The following ARHGEF26 variants were observed in gnomAD, a reference collection of about 807,000 sequenced individuals.
ARHGEF26 encodes Rho guanine nucleotide exchange factor 26.
In ARHGEF26, 59 loss-of-function variants were observed where a neutral mutation model predicts 89.4. The observed-to-expected ratio is 0.66, with a 90% confidence interval of 0.54 to 0.82. The LOEUF is 0.82. Among genes scored for constraint, ARHGEF26 ranks in the 40% least tolerant of loss-of-function variants. The probability of loss-of-function intolerance (pLI) is 0.00; values close to 1 mark genes in which losing one functional copy is unlikely to be tolerated. For missense variants in ARHGEF26, 1,234 were observed against 1,085.6 expected (o/e 1.14, Z -1.92); for synonymous variants, 500 against 428.4 (o/e 1.17, Z -2.06).
intron 6 of ARHGEF26, among the ~76,000 whole-genome samples, chr3:154,170,111 C>G (rs1712326107): frequency 6.6e-6 from 1 of 151,638 alleles, no homozygotes; most frequent in Admixed American, 6.6e-5. Flanking sequence ...CCTGTAATCT[C>G]AGCACTTTGC....
At chr3:154,171,872 G>C (rs932440101) in intron 6 of ARHGEF26, among the ~76,000 whole-genome samples, 4 of 152,236 alleles carry the variant, frequency 2.6e-5, no homozygotes, top group East Asian at 3.9e-4. Context: ...AGTTGGGGGT[G>C]GGGGAGGACT....
intron 13 of ARHGEF26, among the ~76,000 whole-genome samples, chr3:154,254,336 G>A (rs1389957319): frequency 1.3e-5 from 2 of 152,180 alleles, no homozygotes; most frequent in Non-Finnish European, 2.9e-5. Context: ...GAGACACTCT[G>A]ATGAGAGCCA....
chr3:154,176,871 T>C (rs1337928589), intron 6 of ARHGEF26, among the ~76,000 whole-genome samples: 1 of 152,168 alleles, frequency 6.6e-6, no homozygotes, highest in African/African-American at 2.4e-5. Context: ...CTCGAACTCC[T>C]GGGCTTAAAC....
intron 11 of ARHGEF26, among the ~76,000 whole-genome samples, chr3:154,239,525 C>G (rs1717366346): frequency 6.6e-6 from 1 of 151,934 alleles, no homozygotes. Flanking sequence ...GAATAAAAAG[C>G]AAGCAGGCAG....
intron 2 of ARHGEF26, 37 bp from the exon 3 acceptor site, chr3:154,124,373 T>C: frequency 5.8e-6 from 1 of 171,838 alleles, no homozygotes; most frequent in Non-Finnish European, 9.6e-6. Flanking sequence ...TTGCTTTTCC[T>C]TTTTTTTTTT....
chr3:154,226,021 A>G lies in ARHGEF26; in HGVS notation c.2090+11A>G. The G allele has an allele frequency of 6.2e-7, 1 of 1,605,590 alleles. No homozygotes were observed. Among genetic ancestry groups the G allele is most frequent in the Non-Finnish European group, 8.5e-7 (1 of 1,176,386 alleles). On this transcript the variant is annotated intron_variant, in intron 11 of 14. Coordinates refer to ENST00000465093, the MANE Select transcript of ARHGEF26 (RefSeq NM_015595.4). Reference sequence around the variant, plus strand: ...CACCAAGAAGAAGAGGTAAGTCTTTATCTGGTGTTGCTGACTAGACATTCC... The same window carrying G: ...CACCAAGAAGAAGAGGTAAGTCTTTGTCTGGTGTTGCTGACTAGACATTCC...
intron 9 of ARHGEF26, among the ~76,000 whole-genome samples, chr3:154,200,332 T>G (rs1714552841): frequency 6.6e-6 from 1 of 152,164 alleles, no homozygotes; most frequent in Non-Finnish European, 1.5e-5. Flanking sequence ...TTCCTCAGTG[T>G]ATGTTTTTGG....
chr3:154,237,331 C>T (rs1209372193), intron 11 of ARHGEF26, among the ~76,000 whole-genome samples: 2 of 152,084 alleles, frequency 1.3e-5, no homozygotes, highest in Non-Finnish European at 2.9e-5. Context: ...TACTTGAGGT[C>T]AAGAGTTCCA....
intron 5 of ARHGEF26, 135 bp from the exon 6 acceptor site, chr3:154,152,637 G>C: frequency 1.8e-6 from 1 of 555,924 alleles, no homozygotes; most frequent in South Asian, 6.9e-5. Flanking sequence ...TTTCTTTAAT[G>C]TTCTTTTTGT....
rs1718557553 is a variant in ARHGEF26, at chr3:154,256,918, G to A, written c.*1445G>A. ...AATAGTCGGTTTCATGGAGATGAAGGATGGGAGATTAAGAGGGGGGAAATG... is the reference window on the plus strand; with the variant it reads ...AATAGTCGGTTTCATGGAGATGAAGAATGGGAGATTAAGAGGGGGGAAATG... On this transcript the variant is annotated 3_prime_UTR_variant, in exon 15 of 15. Transcript: ENST00000465093. 3.3e-6 allele frequency: 5 copies of A among 1,535,092 alleles called. No individual in the cohort carries two copies. In the East Asian group the frequency reaches 1.2e-4, roughly 38 times the overall value.
At chr3:154,148,981 A>C (rs536816305) in intron 4 of ARHGEF26, among the ~76,000 whole-genome samples, 9 of 152,250 alleles carry the variant, frequency 5.9e-5, no homozygotes, top group African/African-American at 1.9e-4. Context: ...CATATAAAGT[A>C]GGGGGTCCCT....
At chr3:154,139,386 C>T (rs767126408) in intron 4 of ARHGEF26, among the ~76,000 whole-genome samples, 20 of 152,040 alleles carry the variant, frequency 1.3e-4, no homozygotes, top group Admixed American at 2.0e-4. Flanking sequence ...ACTATGAAAT[C>T]GAATTAAATT....
chr3:154,141,824 G>A lies in ARHGEF26; in HGVS notation c.1270-7565G>A, dbSNP rs558442935. Among the ~76,000 whole-genome samples the A allele has an allele frequency of 1.7e-4, 26 of 152,234 alleles. No homozygotes were observed. The East Asian group carries it at 5.0e-3, about 29-fold the overall frequency. On this transcript the variant is annotated intron_variant, in intron 4 of 14. Transcript: ENST00000465093. Reference sequence around the variant, plus strand: ...TTTTCTGTTCTGTTACATTTAAATAGATAACGATCACTTCATGATAAGACT... The same window carrying A: ...TTTTCTGTTCTGTTACATTTAAATAAATAACGATCACTTCATGATAAGACT...
At position 154,256,061 on chromosome 3, in the gene ARHGEF26, C is replaced by CT; in HGVS notation, c.*593dup. 1 of 985,284 alleles carries CT rather than the reference C, an allele frequency of 1.0e-6. No homozygotes were observed. The highest frequency in any genetic ancestry group is 5.2e-4 in the Middle Eastern group (1 of 1,912). 61.0% of individuals were successfully genotyped at this position (985,284 alleles called of 1,614,324 possible). Reference sequence around the variant, plus strand: ...ACATTGACACTTGAATTTTTGTCACCTTTTTCCTCATTAGAAGGAAAGTAG... The same window carrying CT: ...ACATTGACACTTGAATTTTTGTCACCTTTTTTCCTCATTAGAAGGAAAGTAG... On this transcript the variant is annotated 3_prime_UTR_variant, in exon 15 of 15. Transcript: ENST00000465093.
chr3:154,208,173 T>C (rs904708227), intron 9 of ARHGEF26, among the ~76,000 whole-genome samples: 2 of 152,162 alleles, frequency 1.3e-5, no homozygotes, highest in African/African-American at 2.4e-5. Context: ...TGGGATGAAC[T>C]GTGCAGTAAA....
rs1393741659 is a variant in ARHGEF26 at position 154,121,406 on chromosome 3, C to CGCGGTCGGCGGCA, written c.-161_-149dup. 1 of 152,282 alleles carries CGCGGTCGGCGGCA rather than the reference C, an allele frequency of 6.6e-6. No individual in the cohort carries two copies. Among genetic ancestry groups the CGCGGTCGGCGGCA allele is most frequent in the Non-Finnish European group, 1.5e-5 (1 of 68,154 alleles). The allele number at this position is 152,282 out of a possible 1,614,324, so 9.4% of individuals were successfully genotyped here. Reference sequence around the variant, plus strand: ...CGTGGGGGCGGGCCGGCGCCGGCGCCGCGGTCGGCGGCAGCGCTCTCCTAA... The same window carrying CGCGGTCGGCGGCA: ...CGTGGGGGCGGGCCGGCGCCGGCGCCGCGGTCGGCGGCAGCGGTCGGCGGCAGCGCTCTCCTAA... On this transcript the variant is annotated 5_prime_UTR_variant, in exon 1 of 15. Coordinates refer to ENST00000465093, the MANE Select transcript of ARHGEF26 (RefSeq NM_015595.4).
intron 8 of ARHGEF26, among the ~76,000 whole-genome samples, chr3:154,193,650 T>G (rs995459075): frequency 2.0e-5 from 3 of 152,210 alleles, no homozygotes; most frequent in Non-Finnish European, 4.4e-5. Flanking sequence ...TTCATTAAAA[T>G]AAACACTTTC....
rs992342399 is a variant in ARHGEF26, at chr3:154,257,152, C to T, written c.*1679C>T. 1.4e-5 allele frequency: 9 copies of T among 658,994 alleles called. No individual in the cohort carries two copies. Among genetic ancestry groups the T allele is most frequent in the Non-Finnish European group, 2.1e-5 (9 of 424,048 alleles). 40.8% of individuals were successfully genotyped at this position (658,994 alleles called of 1,614,324 possible). A position where few individuals can be genotyped will look rare whatever the true frequency, so the allele number is the denominator to read the frequency against. On this transcript the variant is annotated 3_prime_UTR_variant, in exon 15 of 15. Coordinates refer to ENST00000465093, the MANE Select transcript of ARHGEF26 (RefSeq NM_015595.4). ...TCACACAGCCTGCACCCTGTCACCT[C>T]GGCAATGAGCCAGTGTGGGGCACTG...
intron 11 of ARHGEF26, among the ~76,000 whole-genome samples, chr3:154,239,005 G>A (rs771268754): frequency 6.6e-6 from 1 of 152,068 alleles, no homozygotes; most frequent in Non-Finnish European, 1.5e-5. Flanking sequence ...TAGAGGAGGT[G>A]AGTTGGAAAG....
Sources: allele counts gnomAD v4.1 joint callset (sites outside exome capture counted in the v4.1 genomes callset), GRCh38; gene constraint gnomAD v4.1.1; transcripts MANE v1.5; gene names NCBI Gene and HGNC (gene_info 2026-07-23, HGNC 2026-07-21).